Variants in PGF observed in about 807,000 individuals in gnomAD.
PGF encodes the protein placental growth factor.
A neutral mutation model predicts 25.3 loss-of-function variants in PGF; 11 were observed. The ratio of observed to expected loss-of-function variants is 0.43; its 90% CI spans 0.27 to 0.72. The LOEUF is 0.72. PGF is among the 30% of genes least tolerant of loss of function. PGF has a pLI of 0.18. For synonymous variants in PGF, 105 were observed against 97.9 expected, an observed-to-expected ratio of 1.07 and a Z score of -0.43; for missense variants, 230 against 234.9, an observed-to-expected ratio of 0.98 and a Z score of 0.14.
At position 74,954,812 on chromosome 14, in the gene PGF, C is replaced by T. The variant is rs555359806; in HGVS notation, c.75+356G>A. On this transcript the variant is annotated intron_variant, in intron 1 of 6. Coordinates refer to ENST00000555567, the MANE Select transcript of PGF (RefSeq NM_002632.6). ...CAGGCCAGGTCAGAGGTCCTGGGGA[C>T]GCCTGGTTGGCCATGGGGCCTCGAC... 2.6e-5 allele frequency among the ~76,000 whole-genome samples: 4 copies of T among 152,206 alleles called. No individual in the cohort carries two copies. In the South Asian group the frequency reaches 8.3e-4, roughly 32 times the overall value.
intron 2 of PGF, among the ~76,000 whole-genome samples, chr14:74,951,423 A>T (rs1566859088): frequency 6.6e-6 from 1 of 152,246 alleles, no homozygotes; most frequent in Non-Finnish European, 1.5e-5. Context: ...TAAAATCTTC[A>T]TGAGCACTAC....
intron 1 of PGF, among the ~76,000 whole-genome samples, chr14:74,954,582 G>A (rs1465191634): frequency 2.0e-5 from 3 of 152,054 alleles, no homozygotes; most frequent in Admixed American, 1.3e-4. Flanking sequence ...AGACTCACCC[G>A]GCTCCTGGGA....
intron 1 of PGF, among the ~76,000 whole-genome samples, chr14:74,954,473 T>TGGGCTG (rs1227534250): frequency 6.6e-6 from 1 of 152,074 alleles, no homozygotes; most frequent in Admixed American, 6.5e-5. Flanking sequence ...CTCCTACTCT[T>TGGGCTG]GGGCTGGGGC....
At chr14:74,949,199 ATCGGAGGG>A (rs1403547480) in intron 3 of PGF, among the ~76,000 whole-genome samples, 150 bp downstream of exon 3, 1 of 152,288 alleles carries the variant, frequency 6.6e-6, no homozygotes, top group Admixed American at 6.5e-5. Context: ...GCTCAGAGCC[ATCGGAGGG>A]CTTAGGAAGA....
intron 1 of PGF, chr14:74,954,254 GC>G: frequency 2.5e-6 from 1 of 405,598 alleles, no homozygotes; most frequent in South Asian, 2.9e-5. Context: ...CTTCTACCCA[GC>G]CCCCAGGCCA....
At chr14:74,943,379 G>C (rs566342479) in intron 6 of PGF, among the ~76,000 whole-genome samples, 36 of 152,330 alleles carry the variant, frequency 2.4e-4, no homozygotes, top group African/African-American at 8.7e-4. Context: ...TATTGATGTA[G>C]GTCTTGAGAA....
rs759812119 is a variant in PGF at position 74,955,147 on chromosome 14, C to G, written c.75+21G>C. 1.6e-5 allele frequency: 23 copies of G among 1,405,814 alleles called. No homozygotes were observed. In the East Asian group the frequency reaches 6.1e-4, roughly 37 times the overall value. The allele number at this position is 1,405,814 out of a possible 1,614,324, so 87.1% of individuals were successfully genotyped here. On this transcript the variant is annotated intron_variant, in intron 1 of 6. Coordinates refer to ENST00000555567, the MANE Select transcript of PGF (RefSeq NM_002632.6). The surrounding 1 kb of genome is among the most constrained non-coding windows in gnomAD (Gnocchi z 4.1). ...GGATGGGGAGGTCTGGGGAGCCAGG[C>G]TAGGTGGGGGTAGCTCTTACCTGGG...
At position 74,946,196 on chromosome 14, in the gene PGF, G is replaced by T; in HGVS notation, c.485+17C>A. 6.2e-7 allele frequency: 1 copy of T among 1,612,414 alleles called. No individual in the cohort carries two copies. The highest frequency in any genetic ancestry group is 8.5e-7 in the Non-Finnish European group (1 of 1,178,710). On this transcript the variant is annotated intron_variant, in intron 6 of 6. Coordinates refer to ENST00000555567, the MANE Select transcript of PGF (RefSeq NM_002632.6). ...GGGCCCAGCCTCCTCGCCATCCCTG[G>T]GACCCCGCACACTCACAGGTGGCAG...
intron 2 of PGF, among the ~76,000 whole-genome samples, chr14:74,951,767 T>C (rs1484846565): frequency 6.6e-6 from 1 of 150,800 alleles, no homozygotes; most frequent in Non-Finnish European, 1.5e-5. Context: ...GGCCGAACTG[T>C]GTTGGGGGAG....
At chr14:74,943,157 C>T (rs979850002) in intron 6 of PGF, among the ~76,000 whole-genome samples, 21 of 152,168 alleles carry the variant, frequency 1.4e-4, no homozygotes, top group African/African-American at 4.8e-4. Flanking sequence ...AGGGGAGTAC[C>T]GCTAGACGCA....
intron 3 of PGF, among the ~76,000 whole-genome samples, 185 bp from the exon 4 acceptor site, chr14:74,948,768 C>G (rs563758149): frequency 3.0e-4 from 45 of 152,310 alleles, no homozygotes; most frequent in Non-Finnish European, 5.9e-4. Context: ...GAGGGAGGCC[C>G]CTGTCCCTCC....
Position 74,945,915 on chromosome 14 carries a change from A to G in PGF, c.485+298T>C. The G allele has an allele frequency of 1.9e-5, 9 of 463,836 alleles. No individual in the cohort carries two copies. The South Asian group carries it at 2.5e-4, about 13-fold the overall frequency. 28.7% of individuals were successfully genotyped at this position (463,836 alleles called of 1,614,324 possible). A position where few individuals can be genotyped will look rare whatever the true frequency, so the allele number is the denominator to read the frequency against. ...CAGTAAGTGCTCAGTAAATGTTTGT[A>G]GAGTGACTGAATGTTTGCTGGACCT... On this transcript the variant is annotated intron_variant, in intron 6 of 6. Coordinates refer to ENST00000555567, the MANE Select transcript of PGF (RefSeq NM_002632.6).
Position 74,955,199 on chromosome 14 carries a change from G to A in PGF, c.44C>T (p.Ala15Val). The A allele has an allele frequency of 6.7e-7, 1 of 1,489,174 alleles. No individual in the cohort carries two copies. Among genetic ancestry groups the A allele is most frequent in the African/African-American group, 1.4e-5 (1 of 70,198 alleles). The allele number at this position is 1,489,174 out of a possible 1,614,324, so 92.2% of individuals were successfully genotyped here. A position where few individuals can be genotyped will look rare whatever the true frequency, so the allele number is the denominator to read the frequency against. Residue 15 changes from alanine to valine, a missense_variant, in exon 1 of 7, where the codon GCC (alanine) becomes GTC (valine). By Grantham distance (64) the Ala-to-Val change is moderately conservative (BLOSUM62 0). Coordinates refer to ENST00000555567, the MANE Select transcript of PGF (RefSeq NM_002632.6). This position sits in a 1 kb window ranked among gnomAD's most constrained non-coding sequence, Gnocchi z 4.1. ...RLFPCFLQLLAGLALPAVPPQ... is the reference protein window; with the variant it reads ...RLFPCFLQLLVGLALPAVPPQ... Reference sequence around the variant, plus strand: ...GGGCACAGCAGGCAGCGCCAGCCCGGCCAGGAGCTGCAGGAAGCAAGGGAA... The same window carrying A: ...GGGCACAGCAGGCAGCGCCAGCCCGACCAGGAGCTGCAGGAAGCAAGGGAA...
chr14:74,946,255 C>A lies in PGF; in HGVS notation c.443G>T (p.Gly148Val). 6.2e-7 allele frequency: 1 copy of A among 1,614,214 alleles called. No homozygotes were observed. Among genetic ancestry groups the A allele is most frequent in the South Asian group, 1.1e-5 (1 of 91,084 alleles). The change falls in exon 6 of 7, where the codon GGG becomes GTG. Residue 148 changes from glycine to valine, a missense_variant. Physicochemically the swap from Gly to Val is moderately radical, Grantham distance 109. Coordinates refer to ENST00000555567, the MANE Select transcript of PGF (RefSeq NM_002632.6). ...KPERRRPKGR[G>V]KRRREKQRPT... ...TCTCTGCTTCTCTCTCCTCCTCTTC[C>A]CCCTGCCCTTGGGTCTCCTCCTGCA... is the stretch of plus-strand genomic sequence containing the variant.
chr14:74,946,415 A>C lies in PGF; in HGVS notation c.393-7T>G. 6.2e-7 allele frequency: 1 copy of C among 1,606,238 alleles called. No individual in the cohort carries two copies. Among genetic ancestry groups the C allele is most frequent in the South Asian group, 1.1e-5 (1 of 90,002 alleles). On this transcript the variant is annotated splice_region_variant and splice_polypyrimidine_tract_variant and intron_variant, in intron 4 of 6. Transcript: ENST00000555567. The stretch of plus-strand genomic sequence containing the variant: ...CATCTTCTCCCGCAGAGGCCTAGGG[A>C]AACAGACAGAGAGAGGGGCAGAGGA...
chr14:74,943,175 C>A (rs1040155786), intron 6 of PGF, among the ~76,000 whole-genome samples: 15 of 152,168 alleles, frequency 9.9e-5, no homozygotes, highest in Non-Finnish European at 8.8e-5. Context: ...GCACGTGAGG[C>A]CTGAGTACTG....
Position 74,950,214 on chromosome 14 carries a change from G to A in PGF, c.119-661C>T, listed in dbSNP as rs963525308. ...ATTTCTATCCAAATAAAGTCCACCC[G>A]CCATTTTCCACGACCTGCCTCCCCA... is the stretch of plus-strand genomic sequence containing the variant. On this transcript the variant is annotated intron_variant, in intron 2 of 6. Transcript: ENST00000555567. The surrounding 1 kb of genome is among the most constrained non-coding windows in gnomAD (Gnocchi z 4.1). Among the ~76,000 whole-genome samples, 2 of 152,010 alleles carry A rather than the reference G, an allele frequency of 1.3e-5. No individual in the cohort carries two copies. Among genetic ancestry groups the A allele is most frequent in the African/African-American group, 4.8e-5 (2 of 41,348 alleles).
rs1888627707 is a variant in PGF, at chr14:74,942,627, A to G, written c.*79T>C. 7.4e-7 allele frequency: 1 copy of G among 1,349,346 alleles called. No individual in the cohort carries two copies. The highest frequency in any genetic ancestry group is 1.4e-5 in the African/African-American group (1 of 69,912). 83.6% of individuals were successfully genotyped at this position (1,349,346 alleles called of 1,614,324 possible). On this transcript the variant is annotated 3_prime_UTR_variant, in exon 7 of 7. Transcript: ENST00000555567. ...GTTGGCTAATAAATAGAGGGCAGGTACCAGCAGGAGTCACTGAAGAGTGTG... is the reference window on the plus strand; with the variant it reads ...GTTGGCTAATAAATAGAGGGCAGGTGCCAGCAGGAGTCACTGAAGAGTGTG...
At chr14:74,954,505 G>A (rs1248588896) in intron 1 of PGF, among the ~76,000 whole-genome samples, 1 of 152,098 alleles carries the variant, frequency 6.6e-6, no homozygotes, top group Non-Finnish European at 1.5e-5. Context: ...AGGGCAGTGG[G>A]ACAACGCAGT....
Sources: gnomAD v4.1 joint callset for allele counts (sites outside exome capture counted in the v4.1 genomes callset) on GRCh38, gnomAD v4.1.1 for gene constraint, Gnocchi (gnomAD v3.1) non-coding constraint, MANE v1.5 for transcripts, NCBI Gene and HGNC (gene_info 2026-07-23, HGNC 2026-07-21) for gene names.